SELENOS: variants seen among roughly 807,000 people sequenced by gnomAD.
SELENOS encodes selenoprotein S.
Under a neutral mutation model 30.2 loss-of-function variants are expected in SELENOS, and 37 were observed. That is an observed-to-expected ratio of 1.23 (90% CI 0.94 to 1.61). The LOEUF (loss-of-function observed/expected upper bound fraction) is 1.61, where lower values mean the gene tolerates loss of function less well. SELENOS is among the 40% of genes most tolerant of loss of function. The pLI, the probability that SELENOS is intolerant of heterozygous loss-of-function variation, is 0.00. For missense variants in SELENOS, 289 were observed against 231.8 expected, an observed-to-expected ratio of 1.25 and a Z score of -1.60; for synonymous variants, 119 against 91.6, an observed-to-expected ratio of 1.30 and a Z score of -1.71.
intron 1 of SELENOS, 130 bp from the exon 2 acceptor site, chr15:101,276,805 C>T: frequency 9.1e-7 from 1 of 1,102,594 alleles, no homozygotes; most frequent in Non-Finnish European, 1.3e-6. Flanking sequence ...GAAAAAGCCT[C>T]CTAAGTAGAT....
At position 101,277,419 on chromosome 15, in the gene SELENOS, A is replaced by ACCACCGCCG. The variant is rs1555440197; in HGVS notation, c.-3_-2insCGGCGGTGG. The ACCACCGCCG allele has an allele frequency of 1.6e-4, 240 of 1,470,386 alleles. No individual in the cohort carries two copies. In the African/African-American group the frequency reaches 3.4e-3, roughly 21 times the overall value. The allele number at this position is 1,470,386 out of a possible 1,614,324, so 91.1% of individuals were successfully genotyped here. A position where few individuals can be genotyped will look rare whatever the true frequency, so the allele number is the denominator to read the frequency against. On this transcript the variant is annotated 5_prime_UTR_variant, in exon 1 of 6. Coordinates refer to ENST00000526049, the MANE Select transcript of SELENOS (RefSeq NM_018445.6). Reference sequence around the variant, plus strand: ...CAGAGACTCCTCTTGGCGTTCCATGACCGCCGCCGCCGCCGCCGCCCAGCC... The same window carrying ACCACCGCCG: ...CAGAGACTCCTCTTGGCGTTCCATGACCACCGCCGCCGCCGCCGCCGCCGCCGCCCAGCC...
intron 2 of SELENOS, among the ~76,000 whole-genome samples, chr15:101,275,749 T>G (rs2039318911): frequency 1.3e-5 from 2 of 152,182 alleles, no homozygotes. Flanking sequence ...TAAAGTTTTC[T>G]AAATCATTAT....
In SELENOS at chr15:101,277,373, C is replaced by G. The variant is rs1234792152; in HGVS notation, c.45G>C (p.Glu15Asp). Residue 15 changes from glutamate to aspartate, a missense_variant, in exon 1 of 6, where the codon GAG becomes GAC. Physicochemically the swap from Glu to Asp is conservative, Grantham distance 45. Transcript: ENST00000526049. The part of the protein sequence containing the change: ...EESLSARPAL[E>D]TEGLRFLHTT... ...TGTGCAGGAAGCGCAGCCCCTCGGT[C>G]TCCAGGGCCGGCCGCGCGGACAGAG... is the stretch of plus-strand genomic sequence containing the variant. 1 of 1,508,368 alleles carries G rather than the reference C, an allele frequency of 6.6e-7. No individual in the cohort carries two copies. The highest frequency in any genetic ancestry group is 2.7e-5 in the East Asian group (1 of 36,874). The allele number at this position is 1,508,368 out of a possible 1,614,324, so 93.4% of individuals were successfully genotyped here.
Position 101,272,617 on chromosome 15 carries a change from G to T in SELENOS, c.*154C>A. ...CCTAGAGGCAACATCTATACCTTTT[G>T]CTGACTGGAGCCCTGACATATGCAG... On this transcript the variant is annotated 3_prime_UTR_variant, in exon 6 of 6. Coordinates refer to ENST00000526049, the MANE Select transcript of SELENOS (RefSeq NM_018445.6). 1 of 692,360 alleles carries T rather than the reference G, an allele frequency of 1.4e-6. No homozygotes were observed. The highest frequency in any genetic ancestry group is 2.5e-6 in the Non-Finnish European group (1 of 404,724). 42.9% of individuals were successfully genotyped at this position (692,360 alleles called of 1,614,324 possible). A position where few individuals can be genotyped will look rare whatever the true frequency, so the allele number is the denominator to read the frequency against.
At position 101,277,450 on chromosome 15, in the gene SELENOS, GC is replaced by G. The variant is rs2039345412; in HGVS notation, c.-34del. 4 of 1,422,862 alleles carry G rather than the reference GC, an allele frequency of 2.8e-6. No individual in the cohort carries two copies. In the Admixed American group the frequency reaches 1.3e-4, roughly 45 times the overall value. The allele number at this position is 1,422,862 out of a possible 1,614,324, so 88.1% of individuals were successfully genotyped here. On this transcript the variant is annotated 5_prime_UTR_variant, in exon 1 of 6. Coordinates refer to ENST00000526049, the MANE Select transcript of SELENOS (RefSeq NM_018445.6). ...GCCGCCGCCGCCGCCCAGCCCTGCC[GC>G]CGCGCCTCCAGCCGGGCGCTTCCGG...
rs1423045177 is a variant in SELENOS at position 101,274,438 on chromosome 15, T to C, written c.466A>G (p.Lys156Glu). The change falls in exon 5 of 6, where the codon AAG becomes GAG. Residue 156 changes from lysine to glutamate, a missense_variant. By Grantham distance (56) the Lys-to-Glu change is moderately conservative (BLOSUM62 1). Transcript: ENST00000526049. ...TGCTTACCTCCTCCCCGCAAAGGCT[T>C]TCTGTCCGATTTCCGTTTCAGGACA... Reference protein sequence around the residue: ...SSVLKRKSDRKPLRGGGYNPL... With the variant: ...SSVLKRKSDREPLRGGGYNPL... 2 of 1,608,786 alleles carry C rather than the reference T, an allele frequency of 1.2e-6. No homozygotes were observed. The highest frequency in any genetic ancestry group is 1.7e-6 in the Non-Finnish European group (2 of 1,177,360).
rs2039344124 is a variant in SELENOS at position 101,277,424 on chromosome 15, C to G, written c.-7G>C. 3.4e-6 allele frequency: 5 copies of G among 1,463,472 alleles called. No homozygotes were observed. The highest frequency in any genetic ancestry group is 4.5e-6 in the Non-Finnish European group (5 of 1,114,928). 90.7% of individuals were successfully genotyped at this position (1,463,472 alleles called of 1,614,324 possible). On this transcript the variant is annotated 5_prime_UTR_variant, in exon 1 of 6. Transcript: ENST00000526049. ...ACTCCTCTTGGCGTTCCATGACCGCCGCCGCCGCCGCCGCCCAGCCCTGCC... is the reference window on the plus strand; with the variant it reads ...ACTCCTCTTGGCGTTCCATGACCGCGGCCGCCGCCGCCGCCCAGCCCTGCC...
At chr15:101,273,100 A>T (rs1269694847) in intron 5 of SELENOS, among the ~76,000 whole-genome samples, 1 of 152,182 alleles carries the variant, frequency 6.6e-6, no homozygotes, top group East Asian at 1.9e-4. Context: ...CCAACCTCCG[A>T]AACACATGCA....
At chr15:101,274,900 GA>G in intron 3 of SELENOS, 1 of 602,736 alleles carries the variant, frequency 1.7e-6, no homozygotes, top group Non-Finnish European at 2.8e-6. Flanking sequence ...AATGTTTCAT[GA>G]AAAAGATTAC....
chr15:101,276,665 C>G lies in SELENOS; in HGVS notation c.87G>C (p.Leu29=). The change falls in exon 2 of 6, where the codon CTG becomes CTC. Residue 29 remains leucine, a synonymous_variant. Coordinates refer to ENST00000526049, the MANE Select transcript of SELENOS (RefSeq NM_018445.6). ...LRFLHTTVGS[L]LATYGWYIVF... ...CGATGTACCAGCCATAGGTGGCCAG[C>G]AGGGAGCCCACTGAAAAGAAAAACA... 1 of 1,604,748 alleles carries G rather than the reference C, an allele frequency of 6.2e-7. No homozygotes were observed. The highest frequency in any genetic ancestry group is 1.1e-5 in the South Asian group (1 of 89,532).
rs1555440197 is a variant in SELENOS at position 101,277,419 on chromosome 15, A to ACCACCACCGCCG, written c.-3_-2insCGGCGGTGGTGG. 1 of 1,464,584 alleles carries ACCACCACCGCCG rather than the reference A, an allele frequency of 6.8e-7. No individual in the cohort carries two copies. Among genetic ancestry groups the ACCACCACCGCCG allele is most frequent in the African/African-American group, 1.5e-5 (1 of 67,728 alleles). The allele number at this position is 1,464,584 out of a possible 1,614,324, so 90.7% of individuals were successfully genotyped here. Reference sequence around the variant, plus strand: ...CAGAGACTCCTCTTGGCGTTCCATGACCGCCGCCGCCGCCGCCGCCCAGCC... The same window carrying ACCACCACCGCCG: ...CAGAGACTCCTCTTGGCGTTCCATGACCACCACCGCCGCCGCCGCCGCCGCCGCCGCCCAGCC... On this transcript the variant is annotated 5_prime_UTR_variant, in exon 1 of 6. Coordinates refer to ENST00000526049, the MANE Select transcript of SELENOS (RefSeq NM_018445.6).
At chr15:101,273,626 A>T (rs182710705) in intron 5 of SELENOS, among the ~76,000 whole-genome samples, 311 of 152,312 alleles carry the variant, frequency 2.0e-3, no homozygotes, top group Non-Finnish European at 3.6e-3. Flanking sequence ...AGGACCATTT[A>T]AAAATAGCAT....
Position 101,274,593 on chromosome 15 carries a change from T to C in SELENOS, c.407A>G (p.Gln136Arg). ...CAGCCGGCCGAGGTCTCCAGTCACC[T>C]GGGGCTTCTTTGCATTTCCTTTGTA... ...KSYKGNAKKP[Q>R]EEDSPGPSTS... Residue 136 changes from glutamine (Q) to arginine (R), a missense_variant and splice_region_variant, in exon 4 of 6, where the codon CAG becomes CGG. By Grantham distance (43) the Gln-to-Arg change is conservative. Coordinates refer to ENST00000526049, the MANE Select transcript of SELENOS (RefSeq NM_018445.6). The C allele has an allele frequency of 6.2e-7, 1 of 1,613,586 alleles. No individual in the cohort carries two copies.
intron 5 of SELENOS, among the ~76,000 whole-genome samples, chr15:101,273,739 C>T (rs2039294444): frequency 6.6e-6 from 1 of 152,220 alleles, no homozygotes; most frequent in African/African-American, 2.4e-5. Context: ...GTCTGTGGCC[C>T]TGCTGCCTTG....
At chr15:101,276,412 C>A (rs1302506432) in intron 2 of SELENOS, 129 bp downstream of exon 2, 5 of 1,165,230 alleles carry the variant, frequency 4.3e-6, no homozygotes, top group Non-Finnish European at 5.8e-6. Flanking sequence ...CCACTCCCGG[C>A]TATTTTTTTT....
chr15:101,275,225 GCA>G, intron 3 of SELENOS, 28 bp downstream of exon 3: 1 of 1,509,722 alleles, frequency 6.6e-7, no homozygotes, highest in Non-Finnish European at 8.9e-7. Flanking sequence ...CAATTTCTAT[GCA>G]CACATTCAAA....
rs935752491 is a variant in SELENOS at position 101,276,361 on chromosome 15, G to A, written c.211+180C>T. The A allele has an allele frequency of 3.5e-5, 24 of 680,790 alleles. No individual in the cohort carries two copies. In the Admixed American group the frequency reaches 5.6e-4, roughly 16 times the overall value. 42.2% of individuals were successfully genotyped at this position (680,790 alleles called of 1,614,324 possible). On this transcript the variant is annotated intron_variant, in intron 2 of 5. Coordinates refer to ENST00000526049, the MANE Select transcript of SELENOS (RefSeq NM_018445.6). ...CTCCCTGGACTCAAGTGATTATCCC[G>A]CCTCAGCCTCCTGAGCAGCTGGGAC... is the stretch of plus-strand genomic sequence containing the variant.
At chr15:101,271,990 C>T (rs146997653), downstream of SELENOS, among the ~76,000 whole-genome samples, 8 of 152,290 alleles carry the variant, frequency 5.3e-5, no homozygotes, top group East Asian at 1.5e-3. Flanking sequence ...TGAGAGGTCA[C>T]GTAGAAACCT....
chr15:101,275,892 G>C lies in SELENOS; in HGVS notation c.212-531C>G, dbSNP rs548172670. 4.7e-5 allele frequency among the ~76,000 whole-genome samples: 7 copies of C among 148,610 alleles called. No homozygotes were observed. The South Asian group carries it at 1.3e-3, about 27-fold the overall frequency. ...GTCTACTCATAGAGTCTCGCTCTTT[G>C]CAACAAGGCTAGACTCCATCTCATA... is the stretch of plus-strand genomic sequence containing the variant. On this transcript the variant is annotated intron_variant, in intron 2 of 5. Coordinates refer to ENST00000526049, the MANE Select transcript of SELENOS (RefSeq NM_018445.6).
Sources: allele counts gnomAD v4.1 joint callset (sites outside exome capture counted in the v4.1 genomes callset), GRCh38; gene constraint gnomAD v4.1.1; transcripts MANE v1.5; gene names NCBI Gene and HGNC (gene_info 2026-07-23, HGNC 2026-07-21).